ARHGAP26: variants seen among roughly 807,000 people sequenced by gnomAD.
ARHGAP26 encodes the protein Rho GTPase activating protein 26.
A neutral mutation model predicts 104.8 loss-of-function variants in ARHGAP26; 38 were observed. That is an observed-to-expected ratio of 0.36 (90% CI 0.28 to 0.48). ARHGAP26 has a LOEUF of 0.48. Among genes scored for constraint, ARHGAP26 ranks in the 20% least tolerant of loss-of-function variants. The probability of loss-of-function intolerance (pLI) is 0.99; values close to 1 mark genes in which losing one functional copy is unlikely to be tolerated. For missense variants in ARHGAP26, 704 were observed against 947.9 expected (o/e 0.74, Z 3.38); for synonymous variants, 341 against 340.0 (o/e 1.00, Z -0.03).
intron 11 of ARHGAP26, among the ~76,000 whole-genome samples, chr5:142,953,915 G>A (rs1768793943): frequency 6.6e-6 from 1 of 151,738 alleles, no homozygotes; most frequent in South Asian, 2.1e-4. Flanking sequence ...CATTTGGGGT[G>A]GGGTGCTAGA....
intron 1 of ARHGAP26, among the ~76,000 whole-genome samples, chr5:142,826,535 G>A (rs560311266): frequency 2.6e-5 from 4 of 152,340 alleles, no homozygotes; most frequent in African/African-American, 7.2e-5. Context: ...TTATCACCAC[G>A]GTGAGTGGAC....
chr5:142,906,898 G>A (rs1761178323), intron 8 of ARHGAP26, among the ~76,000 whole-genome samples: 1 of 151,436 alleles, frequency 6.6e-6, no homozygotes, highest in South Asian at 2.1e-4. Context: ...AACAATTTCT[G>A]CTGTGTGATC....
intron 9 of ARHGAP26, among the ~76,000 whole-genome samples, chr5:142,910,552 A>C (rs1450047560): frequency 1.3e-5 from 2 of 152,130 alleles, no homozygotes; most frequent in African/African-American, 4.8e-5. Flanking sequence ...CAGCCTGGGC[A>C]ACATGGTGAA....
intron 10 of ARHGAP26, among the ~76,000 whole-genome samples, chr5:142,920,902 C>G (rs1159299588): frequency 6.6e-6 from 1 of 152,208 alleles, no homozygotes; most frequent in African/African-American, 2.4e-5. Flanking sequence ...TCCATTCTTA[C>G]AGGGGACGAT....
chr5:142,887,133 G>A (rs1757824224), intron 5 of ARHGAP26, among the ~76,000 whole-genome samples: 1 of 152,154 alleles, frequency 6.6e-6, no homozygotes, highest in Non-Finnish European at 1.5e-5. Context: ...CTGGAACAAA[G>A]GTGCTTCTCC....
Position 143,014,025 on chromosome 5 carries a change from A to G in ARHGAP26, c.1108-55A>G, listed in dbSNP as rs1308289969. 44 of 1,557,480 alleles carry G rather than the reference A, an allele frequency of 2.8e-5. No individual in the cohort carries two copies. The South Asian group carries it at 4.6e-4, about 16-fold the overall frequency. ...AGGAAGATAATGGTTTTCTACAGTGAACCTATAGGGTGGCATAAAATGCAC... is the reference window on the plus strand; with the variant it reads ...AGGAAGATAATGGTTTTCTACAGTGGACCTATAGGGTGGCATAAAATGCAC... On this transcript the variant is annotated intron_variant, in intron 11 of 22. Transcript: ENST00000645722.
chr5:143,222,448 C>T lies in ARHGAP26; in HGVS notation c.*2C>T, dbSNP rs748600392. On this transcript the variant is annotated 3_prime_UTR_variant, in exon 23 of 23. Transcript: ENST00000645722. ...GAGAATTACGTGGAGTTCCTCTAACCGTGGGCCCCAGCAGAACTGCTGAGC... is the reference window on the plus strand; with the variant it reads ...GAGAATTACGTGGAGTTCCTCTAACTGTGGGCCCCAGCAGAACTGCTGAGC... The T allele has an allele frequency of 8.8e-6, 14 of 1,589,128 alleles. No homozygotes were observed. Among genetic ancestry groups the T allele is most frequent in the South Asian group, 3.4e-5 (3 of 88,004 alleles).
At chr5:142,803,071 A>G (rs1350256339) in intron 1 of ARHGAP26, among the ~76,000 whole-genome samples, 1 of 152,124 alleles carries the variant, frequency 6.6e-6, no homozygotes, top group Admixed American at 6.5e-5. Flanking sequence ...TGGGAACCTT[A>G]TCTTTCTGGT....
chr5:142,967,729 A>G (rs2152690135), intron 11 of ARHGAP26, among the ~76,000 whole-genome samples: 1 of 152,284 alleles, frequency 6.6e-6, no homozygotes, highest in Non-Finnish European at 1.5e-5. Context: ...TAGTTGGGTA[A>G]ATAGAAGGAA....
At chr5:142,872,830 G>A (rs1299182723) in intron 1 of ARHGAP26, among the ~76,000 whole-genome samples, 1 of 152,228 alleles carries the variant, frequency 6.6e-6, no homozygotes, top group Non-Finnish European at 1.5e-5. Flanking sequence ...GGAGAGTGGA[G>A]AGGGTTGTGA....
chr5:142,959,466 C>T (rs1322545281), intron 11 of ARHGAP26, among the ~76,000 whole-genome samples: 1 of 152,178 alleles, frequency 6.6e-6, no homozygotes, highest in Admixed American at 6.5e-5. Context: ...CAAACACATG[C>T]CTGTGATTGG....
In ARHGAP26 at chr5:143,100,086, G is replaced by A. The variant is rs182455502; in HGVS notation, c.1539-20902G>A. On this transcript the variant is annotated intron_variant, in intron 17 of 22. Coordinates refer to ENST00000645722, the MANE Select transcript of ARHGAP26 (RefSeq NM_001135608.3). ...AACACTTGAAGATACATGAAAGGCA[G>A]TATGAGAAGGTCCAAAATATGGCTA... Among the ~76,000 whole-genome samples, 316 of 152,330 alleles carry A rather than the reference G, an allele frequency of 2.1e-3. 3 individuals are homozygous for A. The highest frequency in any genetic ancestry group is 6.8e-3 in the Middle Eastern group (2 of 294).
rs1767641310 is a variant in ARHGAP26, at chr5:142,949,164, C to CGAGAGA, written c.1107+17039_1107+17040insGAGAGA. Among the ~76,000 whole-genome samples the CGAGAGA allele has an allele frequency of 3.4e-4, 14 of 40,630 alleles. 2 individuals are homozygous for CGAGAGA. In the East Asian group the frequency reaches 8.3e-3, roughly 24 times the overall value. The allele number at this position is 40,630 out of a possible 152,430, so 26.7% of individuals were successfully genotyped here. On this transcript the variant is annotated intron_variant, in intron 11 of 22. Coordinates refer to ENST00000645722, the MANE Select transcript of ARHGAP26 (RefSeq NM_001135608.3). ...CTGCTGAAGTTTTATAGTTGAATTT[C>CGAGAGA]CAGAGAGAGAGAGAGAGAGAGAGAG... is the stretch of plus-strand genomic sequence containing the variant.
At chr5:143,014,191 G>T (rs1032870379) in intron 12 of ARHGAP26, 75 bp downstream of exon 12, 3 of 1,532,416 alleles carry the variant, frequency 2.0e-6, no homozygotes, top group African/African-American at 2.7e-5. Context: ...CTCCAGGTGT[G>T]AACCACCAGG....
rs975214591 is a variant in ARHGAP26 at position 143,222,465 on chromosome 5, C to A, written c.*19C>A. The stretch of plus-strand genomic sequence containing the variant: ...CCTCTAACCGTGGGCCCCAGCAGAA[C>A]TGCTGAGCTTTACATGGTATCCATG... On this transcript the variant is annotated 3_prime_UTR_variant, in exon 23 of 23. Transcript: ENST00000645722. 3 of 1,571,118 alleles carry A rather than the reference C, an allele frequency of 1.9e-6. No individual in the cohort carries two copies. In the East Asian group the frequency reaches 6.8e-5, roughly 35 times the overall value.
At position 143,180,807 on chromosome 5, in the gene ARHGAP26, C is replaced by T. The variant is rs756211770; in HGVS notation, c.1989-26391C>T. Among the ~76,000 whole-genome samples, 22 of 152,270 alleles carry T rather than the reference C, an allele frequency of 1.4e-4. 1 individual carries two copies. The highest frequency in any genetic ancestry group is 1.1e-3 in the Admixed American group (17 of 15,308). On this transcript the variant is annotated intron_variant, in intron 20 of 22. Transcript: ENST00000645722. ...ATTCAAGATGAGATTTAGATGAGGA[C>T]GCAGCCAAACCATATCAATGCCAAA...
intron 10 of ARHGAP26, among the ~76,000 whole-genome samples, chr5:142,931,479 A>T (rs1213285325): frequency 1.3e-5 from 2 of 152,350 alleles, no homozygotes; most frequent in East Asian, 3.9e-4. Flanking sequence ...AGCACCTGAC[A>T]TGATTAAGTA....
At chr5:143,203,188 A>G (rs1163326681) in intron 20 of ARHGAP26, 1 of 152,222 alleles carries the variant, frequency 6.6e-6, no homozygotes, top group East Asian at 1.9e-4. Flanking sequence ...CAAAGGGCTA[A>G]TATCCAGAAT....
chr5:142,787,116 T>C (rs932405311), intron 1 of ARHGAP26, among the ~76,000 whole-genome samples: 3 of 152,186 alleles, frequency 2.0e-5, no homozygotes, highest in African/African-American at 7.2e-5. Context: ...TGAGAGGATG[T>C]GCTCAGAACC....
Sources: gnomAD v4.1 joint callset for allele counts (sites outside exome capture counted in the v4.1 genomes callset) on GRCh38, gnomAD v4.1.1 for gene constraint, MANE v1.5 for transcripts, NCBI Gene and HGNC (gene_info 2026-07-23, HGNC 2026-07-21) for gene names.